Variants in DOCK10 observed in about 807,000 individuals in gnomAD.
DOCK10 encodes dedicator of cytokinesis 10.
DOCK10 carries 145 observed loss-of-function variants against 280.1 expected under a neutral mutation model. That is an observed-to-expected ratio of 0.52 (90% CI 0.45 to 0.59). The LOEUF (loss-of-function observed/expected upper bound fraction) is 0.59. Ranked by LOEUF, DOCK10 falls within the 20% of genes least tolerant of loss-of-function variation. The pLI is 0.00. For synonymous variants in DOCK10, 915 were observed against 942.2 expected (o/e 0.97, Z 0.53); for missense variants, 2,368 against 2,651.7 (o/e 0.89, Z 2.35).
intron 26 of DOCK10, among the ~76,000 whole-genome samples, chr2:224,831,181 C>T (rs372079735): frequency 2.0e-5 from 3 of 152,166 alleles, no homozygotes; most frequent in Middle Eastern, 3.4e-3. Flanking sequence ...GTGATCCTCC[C>T]GCCTCAGCCT....
chr2:224,792,151 A>C (rs187213052), intron 47 of DOCK10, among the ~76,000 whole-genome samples: 7 of 152,242 alleles, frequency 4.6e-5, no homozygotes, highest in Non-Finnish European at 7.3e-5. Flanking sequence ...TAATGATGGA[A>C]TATTTCTAAA....
intron 2 of DOCK10, among the ~76,000 whole-genome samples, chr2:224,918,331 T>G (rs1010557724): frequency 5.6e-5 from 8 of 142,608 alleles, no homozygotes; most frequent in African/African-American, 1.5e-4. Context: ...TGAGTGTGTG[T>G]GGGGTGTGTG....
chr2:224,892,380 G>A (rs1699727803), intron 4 of DOCK10, among the ~76,000 whole-genome samples: 2 of 104,240 alleles, frequency 1.9e-5, no homozygotes, highest in East Asian at 3.1e-4. Context: ...GCCTGGGGAC[G>A]AAGTGAGACC....
chr2:225,042,190 G>A lies in DOCK10; in HGVS notation c.123+62C>T. 1 of 1,221,842 alleles carries A rather than the reference G, an allele frequency of 8.2e-7. No homozygotes were observed. Among genetic ancestry groups the A allele is most frequent in the South Asian group, 3.8e-5 (1 of 26,004 alleles). The allele number at this position is 1,221,842 out of a possible 1,614,324, so 75.7% of individuals were successfully genotyped here. A position where few individuals can be genotyped will look rare whatever the true frequency, so the allele number is the denominator to read the frequency against. ...GCCCGCCGAGCTTTTGGGGAAGCTG[G>A]GCTCCGTTCCCCCCGGGCGCCTGGG... On this transcript the variant is annotated intron_variant, in intron 1 of 55. Transcript: ENST00000258390. This position sits in a 1 kb window ranked among gnomAD's most constrained non-coding sequence, Gnocchi z 5.1.
intron 15 of DOCK10, 138 bp from the exon 16 acceptor site, chr2:224,855,180 A>G (rs1697040399): frequency 4.4e-6 from 2 of 450,402 alleles, no homozygotes; most frequent in East Asian, 3.5e-5. Flanking sequence ...CAGACTCCCA[A>G]ATAATCTTGT....
At chr2:224,977,988 C>T (rs1431587324) in intron 1 of DOCK10, among the ~76,000 whole-genome samples, 1 of 152,210 alleles carries the variant, frequency 6.6e-6, no homozygotes. Context: ...ATCCTTAACT[C>T]ACTCTTGGAC....
chr2:224,854,884 C>A, intron 16 of DOCK10, 79 bp downstream of exon 16: 1 of 1,155,456 alleles, frequency 8.7e-7, no homozygotes, highest in South Asian at 1.5e-5. Context: ...ACCAACCAAC[C>A]AACCAACCAA....
intron 13 of DOCK10, 135 bp from the exon 14 acceptor site, chr2:224,862,881 C>CTTT: frequency 2.0e-6 from 1 of 489,998 alleles, no homozygotes. Flanking sequence ...CCCCTATTAC[C>CTTT]TTATAAAGAG....
intron 31 of DOCK10, among the ~76,000 whole-genome samples, chr2:224,813,416 G>A (rs903699968): frequency 3.9e-5 from 6 of 152,022 alleles, no homozygotes; most frequent in Non-Finnish European, 8.8e-5. Context: ...GGGTGATGTC[G>A]AACTCCTGGC....
At chr2:224,819,911 T>C (rs1158611149) in intron 28 of DOCK10, among the ~76,000 whole-genome samples, 1 of 152,200 alleles carries the variant, frequency 6.6e-6, no homozygotes, top group Admixed American at 6.5e-5. Flanking sequence ...TGCAATGAAA[T>C]ATTATAGCCC....
intron 22 of DOCK10, 98 bp downstream of exon 22, chr2:224,844,655 A>G: frequency 1.3e-6 from 1 of 798,244 alleles, no homozygotes; most frequent in South Asian, 1.6e-5. Context: ...CCTTTCTGAC[A>G]CTTCATGAAA....
Position 224,824,881 on chromosome 2 carries a change from A to G in DOCK10, c.3037-1234T>C, listed in dbSNP as rs1383780655. On this transcript the variant is annotated intron_variant, in intron 27 of 55. Transcript: ENST00000258390. Reference sequence around the variant, plus strand: ...TGAGCACCCAGACTTCCATGCTGCAAGGATAAAAATCATGAAGGCTGAAGT... The same window carrying G: ...TGAGCACCCAGACTTCCATGCTGCAGGGATAAAAATCATGAAGGCTGAAGT... 3.3e-5 allele frequency among the ~76,000 whole-genome samples: 5 copies of G among 152,266 alleles called. No homozygotes were observed. The East Asian group carries it at 5.8e-4, about 18-fold the overall frequency.
intron 41 of DOCK10, 56 bp downstream of exon 41, chr2:224,800,095 G>T: frequency 1.9e-6 from 2 of 1,069,070 alleles, no homozygotes; most frequent in Admixed American, 2.2e-5. Context: ...ACTTCACATG[G>T]TTTTTCTACC....
rs140620771 is a variant in DOCK10, at chr2:224,816,213, A to G, written c.3364+404T>C. 7.7e-3 allele frequency among the ~76,000 whole-genome samples: 1,143 copies of G among 148,622 alleles called. 16 individuals are homozygous for G. The highest frequency in any genetic ancestry group is 0.024 in the African/African-American group (985 of 40,934). ...ATACTCTCTACCATAATACATATAT[A>G]TTTATATATATAATATTTATAAATT... On this transcript the variant is annotated intron_variant, in intron 30 of 55. Transcript: ENST00000258390.
chr2:224,772,802 C>T (rs980413297), intron 53 of DOCK10, among the ~76,000 whole-genome samples: 2 of 152,152 alleles, frequency 1.3e-5, no homozygotes, highest in African/African-American at 4.8e-5. Context: ...TGTTTCAAAA[C>T]AATTTTTTAA....
intron 1 of DOCK10, among the ~76,000 whole-genome samples, chr2:224,955,681 CA>C (rs1274293537): frequency 6.6e-6 from 1 of 152,226 alleles, no homozygotes; most frequent in African/African-American, 2.4e-5. Flanking sequence ...GGTTTGCAAT[CA>C]AGAACTTTGT....
At chr2:224,961,396 T>TTC (rs1491504677) in intron 1 of DOCK10, among the ~76,000 whole-genome samples, 46 of 113,006 alleles carry the variant, frequency 4.1e-4, no homozygotes, top group Non-Finnish European at 7.6e-4. Context: ...CATAGCAGCA[T>TTC]TTTCTTTCTT....
At chr2:224,852,822 TC>T in intron 17 of DOCK10, 112 bp downstream of exon 17, 3 of 937,548 alleles carry the variant, frequency 3.2e-6, no homozygotes, top group Non-Finnish European at 3.0e-6. Context: ...CAAACGGTTT[TC>T]TATGACAGAG....
Position 225,018,532 on chromosome 2 carries a change from A to AAGGTGGAGAGGTTCCTAGGCCT in DOCK10, c.123+23719_123+23720insAGGCCTAGGAACCTCTCCACCT, listed in dbSNP as rs1559965806. On this transcript the variant is annotated intron_variant, in intron 1 of 55. Transcript: ENST00000258390. Reference sequence around the variant, plus strand: ...GTAATATTATATATATATAATATATATGTAATATTATATATATATAATATA... The same window carrying AAGGTGGAGAGGTTCCTAGGCCT: ...GTAATATTATATATATATAATATATAAGGTGGAGAGGTTCCTAGGCCTTGTAATATTATATATATATAATATA... Among the ~76,000 whole-genome samples, 140 of 36,412 alleles carry AAGGTGGAGAGGTTCCTAGGCCT rather than the reference A, an allele frequency of 3.8e-3. 19 individuals carry two copies. Among genetic ancestry groups the AAGGTGGAGAGGTTCCTAGGCCT allele is most frequent in the South Asian group, 7.4e-3 (7 of 950 alleles). The allele number at this position is 36,412 out of a possible 152,430, so 23.9% of individuals were successfully genotyped here.
Sources: gnomAD v4.1 joint callset for allele counts (sites outside exome capture counted in the v4.1 genomes callset) on GRCh38, gnomAD v4.1.1 for gene constraint, Gnocchi (gnomAD v3.1) non-coding constraint, MANE v1.5 for transcripts, NCBI Gene and HGNC (gene_info 2026-07-23, HGNC 2026-07-21) for gene names.